The following ZMIZ1 variants were observed in gnomAD, a reference collection of about 807,000 sequenced individuals.
ZMIZ1 encodes zinc finger MIZ-type containing 1, also known as zinc finger MIZ domain-containing protein 1.
In ZMIZ1, 17 loss-of-function variants were observed where a neutral mutation model predicts 113.9. The ratio of observed to expected loss-of-function variants is 0.15; its 90% CI spans 0.10 to 0.22. ZMIZ1 has a LOEUF of 0.22. Ranked by LOEUF, ZMIZ1 falls within the 10% of genes least tolerant of loss-of-function variation. ZMIZ1 has a pLI of 1.00. For synonymous variants in ZMIZ1, 607 were observed against 603.1 expected, an observed-to-expected ratio of 1.01 and a Z score of -0.09; for missense variants, 1,059 against 1,477.8, an observed-to-expected ratio of 0.72 and a Z score of 4.65.
chr10:79,215,149 G>A (rs1205597103), intron 6 of ZMIZ1, among the ~76,000 whole-genome samples: 1 of 152,200 alleles, frequency 6.6e-6, no homozygotes, highest in Non-Finnish European at 1.5e-5. Context: ...CAGGCTGAGC[G>A]TGGGAGTCCT....
chr10:79,074,341 G>A (rs1453056282), intron 1 of ZMIZ1, among the ~76,000 whole-genome samples: 1 of 152,172 alleles, frequency 6.6e-6, no homozygotes. Flanking sequence ...CTGGGGGAAT[G>A]AGGTGAAGGA....
intron 22 of ZMIZ1, 80 bp from the exon 23 acceptor site, chr10:79,307,325 T>C (rs1355109854): frequency 7.0e-7 from 1 of 1,431,502 alleles, no homozygotes; most frequent in African/African-American, 1.4e-5. Context: ...GGCTTGTATT[T>C]TTACACACTC....
chr10:79,302,064 G>T, intron 17 of ZMIZ1, 43 bp from the exon 18 acceptor site: 1 of 1,598,484 alleles, frequency 6.3e-7, no homozygotes. Flanking sequence ...GGCGGGGTGT[G>T]GGGACAGTGC....
intron 1 of ZMIZ1, among the ~76,000 whole-genome samples, chr10:79,081,901 ACAGAAAGGCCCTGGAGACCATCCAGGC>A (rs1431962996): frequency 6.6e-6 from 1 of 152,244 alleles, no homozygotes; most frequent in Non-Finnish European, 1.5e-5. Flanking sequence ...TAATGGCAGC[ACAGAAAGGCCCTGGAGACCATCCAGGC>A]CAACCTTCTC....
chr10:79,278,613 A>T (rs1455677918), intron 8 of ZMIZ1, among the ~76,000 whole-genome samples: 2 of 151,364 alleles, frequency 1.3e-5, no homozygotes, highest in African/African-American at 2.4e-5. Flanking sequence ...GTCCCTGGGT[A>T]CTTGAGATTA....
chr10:79,251,394 T>C (rs1273250712), intron 7 of ZMIZ1, among the ~76,000 whole-genome samples: 1 of 152,112 alleles, frequency 6.6e-6, no homozygotes, highest in Admixed American at 6.5e-5. Context: ...GAGCTACCCT[T>C]CCTGCTCTAC....
intron 5 of ZMIZ1, among the ~76,000 whole-genome samples, chr10:79,203,656 G>A (rs1051189940): frequency 8.5e-5 from 13 of 152,198 alleles, no homozygotes. Context: ...ATCACCAGGG[G>A]TCAGGGTGCA....
At chr10:79,173,722 C>T (rs1554862392) in intron 4 of ZMIZ1, among the ~76,000 whole-genome samples, 1 of 152,104 alleles carries the variant, frequency 6.6e-6, no homozygotes, top group Non-Finnish European at 1.5e-5. Context: ...AGCACTTACC[C>T]CAGTCATTTT....
intron 7 of ZMIZ1, among the ~76,000 whole-genome samples, chr10:79,259,238 A>T (rs1851106753): frequency 6.6e-6 from 1 of 152,038 alleles, no homozygotes; most frequent in South Asian, 2.1e-4. Flanking sequence ...GGGGCAGGGA[A>T]GGGGGGGCTG....
intron 8 of ZMIZ1, among the ~76,000 whole-genome samples, chr10:79,281,887 T>C (rs1852762349): frequency 6.6e-6 from 1 of 152,228 alleles, no homozygotes; most frequent in Admixed American, 6.5e-5. Flanking sequence ...CTGTGCTATT[T>C]AGCTGGTCCT....
At chr10:79,174,178 G>T (rs1423481886) in intron 4 of ZMIZ1, among the ~76,000 whole-genome samples, 1 of 152,210 alleles carries the variant, frequency 6.6e-6, no homozygotes, top group East Asian at 1.9e-4. Flanking sequence ...TTTGGGGCAG[G>T]CCTGCCCATA....
At chr10:79,134,692 A>G (rs756652728) in intron 2 of ZMIZ1, among the ~76,000 whole-genome samples, 3 of 152,190 alleles carry the variant, frequency 2.0e-5, no homozygotes, top group Non-Finnish European at 4.4e-5. Flanking sequence ...TCAAATTTTA[A>G]CACTATGTAT....
intron 1 of ZMIZ1, among the ~76,000 whole-genome samples, chr10:79,094,458 G>C (rs1205698457): frequency 6.6e-6 from 1 of 152,242 alleles, no homozygotes; most frequent in African/African-American, 2.4e-5. Flanking sequence ...GCCACTGTCG[G>C]TTACTTTGGC....
At chr10:79,260,158 C>T (rs1052627853) in intron 7 of ZMIZ1, among the ~76,000 whole-genome samples, 1 of 152,254 alleles carries the variant, frequency 6.6e-6, no homozygotes, top group East Asian at 1.9e-4. Flanking sequence ...GCTTTGTGTA[C>T]CTGCAGTGCC....
intron 23 of ZMIZ1, 63 bp downstream of exon 23, chr10:79,307,634 G>A (rs1041760294): frequency 1.9e-6 from 3 of 1,552,002 alleles, no homozygotes; most frequent in African/African-American, 2.8e-5. Context: ...CTTGGGATCT[G>A]GATACCCTGT....
rs142258111 is a variant in ZMIZ1 at position 79,306,133 on chromosome 10, G to T, written c.2457G>T (p.Thr819=). 1 of 1,613,812 alleles carries T rather than the reference G, an allele frequency of 6.2e-7. No individual in the cohort carries two copies. Among genetic ancestry groups the T allele is most frequent in the Non-Finnish European group, 8.5e-7 (1 of 1,180,010 alleles). The change falls in exon 22 of 25, where the codon ACG becomes ACT. Residue 819 remains threonine (T), a synonymous_variant. Coordinates refer to ENST00000334512, the MANE Select transcript of ZMIZ1 (RefSeq NM_020338.4). ...SEFEEVTIDP[T]CSWRPVPIKS... ...TTGAAGAGGTCACCATCGATCCCAC[G>T]TGCAGCTGGCGGCCGGTGCCCATCA...
intron 4 of ZMIZ1, among the ~76,000 whole-genome samples, chr10:79,172,533 A>G (rs74142323): frequency 2.6e-5 from 4 of 152,316 alleles, no homozygotes; most frequent in African/African-American, 9.6e-5. Context: ...TCTCCATTTT[A>G]TGGATGAGGA....
chr10:79,076,483 T>G (rs992625320), intron 1 of ZMIZ1, among the ~76,000 whole-genome samples: 1 of 152,180 alleles, frequency 6.6e-6, no homozygotes, highest in South Asian at 2.1e-4. Flanking sequence ...TGGTCTGGCA[T>G]TAGAGCCCCT....
intron 4 of ZMIZ1, among the ~76,000 whole-genome samples, chr10:79,163,697 G>A (rs1411469297): frequency 6.6e-6 from 1 of 152,206 alleles, no homozygotes; most frequent in Non-Finnish European, 1.5e-5. Flanking sequence ...CAGGGGCGGG[G>A]CCCCAGGACA....
Sources: gnomAD v4.1 joint callset for allele counts (sites outside exome capture counted in the v4.1 genomes callset) on GRCh38, gnomAD v4.1.1 for gene constraint, MANE v1.5 for transcripts, NCBI Gene and HGNC (gene_info 2026-07-23, HGNC 2026-07-21) for gene names.